Variants in BCO1 observed in about 807,000 individuals in gnomAD.
BCO1 encodes beta-carotene oxygenase 1, also known as beta,beta-carotene 15,15'-dioxygenase.
Under a neutral mutation model 56.3 loss-of-function variants are expected in BCO1, and 54 were observed. The observed-to-expected ratio is 0.96, with a 90% CI of 0.77 to 1.20. The LOEUF is 1.20. Ranked by LOEUF, BCO1 falls within the 50% of genes most tolerant of loss-of-function variation. The pLI is 0.00. For missense variants in BCO1, 801 were observed against 690.9 expected (o/e 1.16, Z -1.79); for synonymous variants, 318 against 266.1 (o/e 1.20, Z -1.90).
intron 2 of BCO1, among the ~76,000 whole-genome samples, chr16:81,253,135 C>T (rs546180094): frequency 1.3e-5 from 2 of 152,106 alleles, no homozygotes; most frequent in African/African-American, 2.4e-5. Flanking sequence ...GATAATAAAA[C>T]TGCCCACCTA....
intron 7 of BCO1, among the ~76,000 whole-genome samples, chr16:81,271,303 C>T (rs972391065): frequency 4.6e-5 from 7 of 151,690 alleles, no homozygotes; most frequent in African/African-American, 9.7e-5. Flanking sequence ...TTAGAAAAGA[C>T]GGGGTTTCAC....
At chr16:81,264,343 T>C (rs1000671938) in intron 4 of BCO1, among the ~76,000 whole-genome samples, 6 of 152,202 alleles carry the variant, frequency 3.9e-5, no homozygotes, top group African/African-American at 7.2e-5. Context: ...ATTGGAACGA[T>C]AGCCACAGAA....
rs1366749587 is a variant in BCO1, at chr16:81,238,964, A to T, written c.56A>T (p.Lys19Ile). Residue 19 changes from lysine (K) to isoleucine (I), a missense_variant, in exon 1 of 11, where the codon AAA becomes ATA. Coordinates refer to ENST00000258168, the MANE Select transcript of BCO1 (RefSeq NM_017429.3). ...GAACAGCTGGAGCCTGTGAGGGCCA[A>T]AGTGACAGGTGAGCATTCTGATAAA... ...RKEQLEPVRA[K>I]VTGKIPAWLQ... 1 of 1,613,906 alleles carries T rather than the reference A, an allele frequency of 6.2e-7. No individual in the cohort carries two copies. The highest frequency in any genetic ancestry group is 1.1e-5 in the South Asian group (1 of 91,074).
intron 1 of BCO1, among the ~76,000 whole-genome samples, chr16:81,243,113 G>A (rs1384932693): frequency 1.3e-5 from 2 of 152,164 alleles, no homozygotes; most frequent in Non-Finnish European, 2.9e-5. Context: ...GACAGCTAAT[G>A]CATAAGGGAG....
chr16:81,272,573 C>T (rs1371930747), intron 7 of BCO1, among the ~76,000 whole-genome samples: 3 of 152,164 alleles, frequency 2.0e-5, no homozygotes, highest in Admixed American at 1.3e-4. Context: ...TCCGTTCTTG[C>T]ACTAAGAATG....
intron 2 of BCO1, among the ~76,000 whole-genome samples, chr16:81,257,291 G>T (rs192293344): frequency 9.9e-5 from 15 of 152,126 alleles, no homozygotes; most frequent in African/African-American, 4.8e-5. Context: ...TTGAGACGGG[G>T]TCTCGCTCTG....
chr16:81,265,034 A>G (rs143667683), intron 5 of BCO1, among the ~76,000 whole-genome samples: 321 of 152,194 alleles, frequency 2.1e-3, no homozygotes, highest in African/African-American at 7.2e-3. Flanking sequence ...TTATTTTATT[A>G]ATTTATCTAC....
intron 2 of BCO1, among the ~76,000 whole-genome samples, chr16:81,246,794 TGAGC>T (rs1905445103): frequency 7.0e-6 from 1 of 142,808 alleles, no homozygotes; most frequent in South Asian, 2.2e-4. Flanking sequence ...GAGGTTGCAG[TGAGC>T]TGAAATTGTG....
chr16:81,261,932 C>G, intron 3 of BCO1: 1 of 541,174 alleles, frequency 1.8e-6, no homozygotes, highest in South Asian at 1.8e-5. Flanking sequence ...TTAGTACAGA[C>G]GGGGTTTCAC....
intron 2 of BCO1, among the ~76,000 whole-genome samples, chr16:81,249,498 T>C (rs1235492069): frequency 6.6e-6 from 1 of 152,186 alleles, no homozygotes; most frequent in Non-Finnish European, 1.5e-5. Flanking sequence ...CCTCGTGATC[T>C]GACCGCCTCG....
intron 5 of BCO1, among the ~76,000 whole-genome samples, chr16:81,265,201 C>G (rs1906735361): frequency 6.6e-6 from 1 of 151,720 alleles, no homozygotes; most frequent in African/African-American, 2.4e-5. Context: ...ATCCACCTAT[C>G]CATCACCCAT....
chr16:81,247,718 G>T (rs1052225738), intron 2 of BCO1, among the ~76,000 whole-genome samples: 1 of 151,820 alleles, frequency 6.6e-6, no homozygotes. Context: ...TACAGATGGG[G>T]TTTCTCCATG....
At chr16:81,287,249 T>C in intron 9 of BCO1, 46 bp from the exon 10 acceptor site, 1 of 1,377,100 alleles carries the variant, frequency 7.3e-7, no homozygotes, top group South Asian at 1.2e-5. Context: ...AGAATAGTAT[T>C]CTCTCAAACA....
At chr16:81,283,323 C>G (rs1320009620) in intron 8 of BCO1, among the ~76,000 whole-genome samples, 1 of 151,970 alleles carries the variant, frequency 6.6e-6, no homozygotes, top group Admixed American at 6.6e-5. Context: ...ACAGGCATTA[C>G]TCATGCCTGT....
intron 7 of BCO1, among the ~76,000 whole-genome samples, chr16:81,273,411 T>G (rs1260705388): frequency 1.3e-5 from 2 of 152,074 alleles, no homozygotes; most frequent in Non-Finnish European, 2.9e-5. Context: ...GGTCCTACAG[T>G]GTCCAGGGAG....
chr16:81,262,021 C>A, intron 3 of BCO1, 115 bp from the exon 4 acceptor site: 4 of 1,283,286 alleles, frequency 3.1e-6, no homozygotes, highest in Admixed American at 1.7e-5. Flanking sequence ...GGATTACAGG[C>A]ACCCGGCCGA....
chr16:81,273,095 A>C (rs1479994442), intron 7 of BCO1, among the ~76,000 whole-genome samples: 1 of 152,114 alleles, frequency 6.6e-6, no homozygotes, highest in Non-Finnish European at 1.5e-5. Flanking sequence ...TCAGTTTCCC[A>C]AGAAGCTGGG....
intron 2 of BCO1, among the ~76,000 whole-genome samples, chr16:81,254,302 T>C (rs1019006595): frequency 7.3e-6 from 1 of 137,714 alleles, no homozygotes. Flanking sequence ...CTAATTTTTT[T>C]TTTTTTTTTT....
intron 2 of BCO1, among the ~76,000 whole-genome samples, chr16:81,251,872 A>ATGTGTG (rs773100922): frequency 6.0e-5 from 7 of 117,308 alleles, no homozygotes; most frequent in Admixed American, 4.2e-4. Context: ...ACACACACAT[A>ATGTGTG]TATGTGTGTG....
Sources: allele counts gnomAD v4.1 joint callset (sites outside exome capture counted in the v4.1 genomes callset), GRCh38; gene constraint gnomAD v4.1.1; transcripts MANE v1.5; gene names NCBI Gene and HGNC (gene_info 2026-07-23, HGNC 2026-07-21).